Variants in PCDH15 observed in about 807,000 individuals in gnomAD.
PCDH15 encodes protocadherin-15.
A neutral mutation model predicts 178.5 loss-of-function variants in PCDH15; 129 were observed. The ratio of observed to expected loss-of-function variants is 0.72; its 90% CI spans 0.63 to 0.84. PCDH15 has a LOEUF of 0.84. Among genes scored for constraint, PCDH15 ranks in the 40% least tolerant of loss-of-function variants. The pLI is 0.00. For missense variants in PCDH15, 2,230 were observed against 2,099.9 expected (o/e 1.06, Z -1.21); for synonymous variants, 800 against 732.0 (o/e 1.09, Z -1.50).
chr10:54,614,165 A>G (rs796936816), intron 2 of PCDH15, among the ~76,000 whole-genome samples: 9 of 152,092 alleles, frequency 5.9e-5, no homozygotes, highest in African/African-American at 2.2e-4. Context: ...GTAATTATAT[A>G]TTAGTATAAC....
At chr10:54,183,877 A>T (rs898147086) in intron 12 of PCDH15, among the ~76,000 whole-genome samples, 1 of 152,324 alleles carries the variant, frequency 6.6e-6, no homozygotes. Context: ...GTGGGCCAAT[A>T]ACATTGCTGA....
At chr10:54,647,632 A>C (rs2094159153) in intron 2 of PCDH15, among the ~76,000 whole-genome samples, 1 of 152,128 alleles carries the variant, frequency 6.6e-6, no homozygotes, top group Non-Finnish European at 1.5e-5. Flanking sequence ...AGATAGCTTG[A>C]AATTTTAACC....
chr10:54,833,035 A>G (rs1026583044), intron 3 of PCDH15, among the ~76,000 whole-genome samples: 1 of 152,138 alleles, frequency 6.6e-6, no homozygotes, highest in Non-Finnish European at 1.5e-5. Context: ...AGCAAAATAT[A>G]TTATTTATTT....
intron 1 of PCDH15, among the ~76,000 whole-genome samples, chr10:55,270,670 G>A (rs771882541): frequency 3.9e-5 from 6 of 152,142 alleles, no homozygotes; most frequent in Admixed American, 1.3e-4. Flanking sequence ...GCAGAGAAAA[G>A]GGAATGCTTA....
chr10:54,083,088 A>T (rs1019600148), intron 16 of PCDH15, among the ~76,000 whole-genome samples: 3 of 152,180 alleles, frequency 2.0e-5, no homozygotes, highest in Admixed American at 6.6e-5. Flanking sequence ...AATTATATTT[A>T]AAAAAAGAAA....
At chr10:54,099,825 C>T (rs941290822) in intron 15 of PCDH15, among the ~76,000 whole-genome samples, 6 of 151,978 alleles carry the variant, frequency 3.9e-5, no homozygotes, top group Non-Finnish European at 8.8e-5. Context: ...ATAGTGTTCA[C>T]TATATGCTGG....
chr10:53,994,267 G>A (rs924571968), intron 21 of PCDH15, among the ~76,000 whole-genome samples: 1 of 152,028 alleles, frequency 6.6e-6, no homozygotes, highest in African/African-American at 2.4e-5. Flanking sequence ...GAAAAATAGC[G>A]CGACTTTTAA....
At chr10:54,444,155 T>C (rs2076005169) in intron 3 of PCDH15, among the ~76,000 whole-genome samples, 1 of 151,754 alleles carries the variant, frequency 6.6e-6, no homozygotes, top group African/African-American at 2.4e-5. Context: ...TCATTCTCAC[T>C]CATTATAAAA....
At chr10:54,677,303 C>T (rs2094807689) in intron 1 of PCDH15, among the ~76,000 whole-genome samples, 3 of 151,952 alleles carry the variant, frequency 2.0e-5, no homozygotes, top group Admixed American at 6.6e-5. Context: ...TGGTTTGAGC[C>T]CAGGAGTTCA....
intron 8 of PCDH15, among the ~76,000 whole-genome samples, chr10:54,248,576 A>G (rs1232664612): frequency 5.9e-5 from 9 of 152,052 alleles, no homozygotes; most frequent in Middle Eastern, 3.2e-3. Context: ...GCAGTAGAAA[A>G]TAAATTAGAC....
intron 1 of PCDH15, among the ~76,000 whole-genome samples, chr10:54,730,759 A>C: frequency 6.6e-6 from 1 of 151,466 alleles, no homozygotes; most frequent in Non-Finnish European, 1.5e-5. Flanking sequence ...AAAATCAAAT[A>C]AAAATAAAGA....
At chr10:54,768,391 A>T (rs557656340) in intron 1 of PCDH15, among the ~76,000 whole-genome samples, 1 of 152,280 alleles carries the variant, frequency 6.6e-6, no homozygotes, top group South Asian at 2.1e-4. Flanking sequence ...CTACAAAATG[A>T]TGTCACCCTC....
chr10:54,145,319 C>A (rs760753871), intron 14 of PCDH15, among the ~76,000 whole-genome samples: 2 of 151,862 alleles, frequency 1.3e-5, no homozygotes, highest in Non-Finnish European at 2.9e-5. Context: ...TACAAGGAGT[C>A]TATTTGTAAT....
At chr10:53,868,550 G>A (rs182484247) in intron 26 of PCDH15, among the ~76,000 whole-genome samples, 42 of 152,162 alleles carry the variant, frequency 2.8e-4, no homozygotes, top group Non-Finnish European at 4.6e-4. Flanking sequence ...CAAAGAAACT[G>A]AAATTTCAAT....
At chr10:54,481,579 T>A (rs919733058) in intron 3 of PCDH15, among the ~76,000 whole-genome samples, 9 of 151,790 alleles carry the variant, frequency 5.9e-5, no homozygotes, top group African/African-American at 1.9e-4. Context: ...TTAATTGGGG[T>A]CTCACTAATC....
intron 3 of PCDH15, among the ~76,000 whole-genome samples, chr10:54,832,806 A>G (rs1191669371): frequency 6.6e-6 from 1 of 152,202 alleles, no homozygotes; most frequent in Non-Finnish European, 1.5e-5. Context: ...GAGTTCTGTT[A>G]GGAGTGTTAT....
chr10:54,897,703 G>T (rs567070430), intron 2 of PCDH15, among the ~76,000 whole-genome samples: 1 of 152,014 alleles, frequency 6.6e-6, no homozygotes, highest in African/African-American at 2.4e-5. Flanking sequence ...TTAGAAATGT[G>T]CTAATTCTAC....
chr10:55,468,001 C>T (rs1346278684), intron 2 of PCDH15, among the ~76,000 whole-genome samples: 2 of 103,794 alleles, frequency 1.9e-5, no homozygotes, highest in East Asian at 5.5e-4. Context: ...AGAATTAAAA[C>T]TGGTCTGCCA....
intron 1 of PCDH15, among the ~76,000 whole-genome samples, chr10:54,752,522 A>C (rs1397867725): frequency 1.3e-5 from 1 of 74,436 alleles, no homozygotes; most frequent in Admixed American, 1.3e-4. Flanking sequence ...ACAAACAAAC[A>C]AACAAACAAA....
Sources: gnomAD v4.1 joint callset for allele counts (sites outside exome capture counted in the v4.1 genomes callset) on GRCh38, gnomAD v4.1.1 for gene constraint, MANE v1.5 for transcripts, NCBI Gene and HGNC (gene_info 2026-07-23, HGNC 2026-07-21) for gene names.